AKAP6: variants seen among roughly 807,000 people sequenced by gnomAD.
AKAP6 encodes A-kinase anchor protein 6.
Under a neutral mutation model 188.5 loss-of-function variants are expected in AKAP6, and 58 were observed. The observed-to-expected ratio is 0.31, with a 90% confidence interval of 0.25 to 0.38. AKAP6 has a LOEUF of 0.38. Ranked by LOEUF, AKAP6 falls within the 10% of genes least tolerant of loss-of-function variation. The probability of loss-of-function intolerance (pLI) is 1.00; values close to 1 mark genes in which losing one functional copy is unlikely to be tolerated. For missense variants in AKAP6, 2,710 were observed against 2,740.0 expected, an observed-to-expected ratio of 0.99 and a Z score of 0.24; for synonymous variants, 989 against 998.6, an observed-to-expected ratio of 0.99 and a Z score of 0.18.
chr14:32,422,382 A>G (rs1014132315), intron 1 of AKAP6, among the ~76,000 whole-genome samples: 5 of 152,168 alleles, frequency 3.3e-5, no homozygotes, highest in Non-Finnish European at 7.3e-5. Context: ...ATTACTTATC[A>G]TTACAGTTTT....
intron 1 of AKAP6, chr14:32,403,121 G>T (rs1380487975): frequency 6.6e-6 from 1 of 152,184 alleles, no homozygotes; most frequent in Non-Finnish European, 1.5e-5. Context: ...AGAACCTGTG[G>T]ATGCACATCA....
chr14:32,545,293 A>C lies in AKAP6; in HGVS notation c.640A>C (p.Asn214His), dbSNP rs201721425. Residue 214 changes from asparagine to histidine, a missense_variant, in exon 4 of 14, where the codon AAT becomes CAT. Asn to His is a moderately conservative substitution (Grantham distance 68). This residue lies in a region of AKAP6 where 237 missense variants were observed against 313.9 expected (regional missense o/e 0.76). Coordinates refer to ENST00000280979, the MANE Select transcript of AKAP6 (RefSeq NM_004274.5). ...ACAATTAACCATCAAATGTTCTCAA[A>C]ATTACTTGTCTCTGGATTGTGGCAT... ...SGQLTIKCSQ[N>H]YLSLDCGITA... 6.2e-6 allele frequency: 10 copies of C among 1,614,082 alleles called. No individual in the cohort carries two copies. The highest frequency in any genetic ancestry group is 3.3e-5 in the Admixed American group (2 of 59,996).
At chr14:32,663,714 G>A (rs759031686) in intron 7 of AKAP6, among the ~76,000 whole-genome samples, 26 of 152,068 alleles carry the variant, frequency 1.7e-4, no homozygotes, top group Non-Finnish European at 3.5e-4. Context: ...GAGCAGCTAG[G>A]GAGGAGGCTG....
chr14:32,540,196 T>C (rs1488494802), intron 3 of AKAP6, among the ~76,000 whole-genome samples: 1 of 106,518 alleles, frequency 9.4e-6, no homozygotes, highest in Non-Finnish European at 1.9e-5. Context: ...ATATATATTT[T>C]AATTTTTTAT....
chr14:32,546,079 A>G lies in AKAP6; in HGVS notation c.1426A>G (p.Lys476Glu), dbSNP rs766038674. ...TGAAAACACAGTCAAATTTCACATTAAAGAAATTTCTTCCAGCCTGGGAAG... is the reference window on the plus strand; with the variant it reads ...TGAAAACACAGTCAAATTTCACATTGAAGAAATTTCTTCCAGCCTGGGAAG... Reference protein sequence around the residue: ...NLENTVKFHIKEISSSLGRLN... With the variant: ...NLENTVKFHIEEISSSLGRLN... Residue 476 changes from lysine (K) to glutamate (E), a missense_variant, in exon 4 of 14, where the codon AAA becomes GAA. By Grantham distance (56) the Lys-to-Glu change is moderately conservative. Coordinates refer to ENST00000280979, the MANE Select transcript of AKAP6 (RefSeq NM_004274.5). 1.2e-6 allele frequency: 2 copies of G among 1,614,222 alleles called. No individual in the cohort carries two copies. Among genetic ancestry groups the G allele is most frequent in the East Asian group, 2.2e-5 (1 of 44,882 alleles).
chr14:32,390,586 C>A (rs1314791611), intron 1 of AKAP6, among the ~76,000 whole-genome samples: 1 of 152,094 alleles, frequency 6.6e-6, no homozygotes, highest in Non-Finnish European at 1.5e-5. Context: ...GATGTGGCTT[C>A]CTGAGGGCTG....
At chr14:32,379,128 C>G (rs918479870) in intron 1 of AKAP6, among the ~76,000 whole-genome samples, 1 of 152,042 alleles carries the variant, frequency 6.6e-6, no homozygotes, top group Non-Finnish European at 1.5e-5. Context: ...ACCATGTTGG[C>G]CAGGCTGGTC....
chr14:32,466,964 G>A (rs1472921603), intron 2 of AKAP6, among the ~76,000 whole-genome samples: 1 of 150,316 alleles, frequency 6.7e-6, no homozygotes, highest in African/African-American at 2.4e-5. Flanking sequence ...AATTTTTATG[G>A]AAGTATAATA....
chr14:32,583,277 A>G (rs1885064760), intron 5 of AKAP6, among the ~76,000 whole-genome samples: 1 of 152,180 alleles, frequency 6.6e-6, no homozygotes, highest in African/African-American at 2.4e-5. Context: ...TTGCCTGGGT[A>G]TCAGCAGCGG....
At chr14:32,645,939 A>C (rs115990388) in intron 7 of AKAP6, among the ~76,000 whole-genome samples, 3,113 of 152,274 alleles carry the variant, frequency 0.02, 92 homozygotes, top group African/African-American at 0.063. Context: ...ATGAAAAACT[A>C]TCTGCTCTAT....
intron 1 of AKAP6, among the ~76,000 whole-genome samples, chr14:32,397,752 CAAGG>C (rs1340234425): frequency 1.3e-5 from 2 of 152,116 alleles, no homozygotes; most frequent in African/African-American, 4.8e-5. Flanking sequence ...TATTTTAAGG[CAAGG>C]GTAGGTACAA....
chr14:32,815,258 T>C (rs1308447718), intron 12 of AKAP6, among the ~76,000 whole-genome samples: 2 of 152,198 alleles, frequency 1.3e-5, no homozygotes, highest in African/African-American at 4.8e-5. Flanking sequence ...AGCTTTGTTA[T>C]TGAAAAAGAG....
chr14:32,600,491 C>T, intron 6 of AKAP6, 138 bp from the exon 7 acceptor site: 2 of 957,194 alleles, frequency 2.1e-6, no homozygotes, highest in South Asian at 4.6e-5. Context: ...GTGACAAATG[C>T]TGATATGGCA....
chr14:32,364,397 A>G (rs1362472667), intron 1 of AKAP6, among the ~76,000 whole-genome samples: 1 of 152,120 alleles, frequency 6.6e-6, no homozygotes, highest in Non-Finnish European at 1.5e-5. Flanking sequence ...GCTGATGGGC[A>G]GGGGCAGAGT....
intron 11 of AKAP6, among the ~76,000 whole-genome samples, chr14:32,768,186 G>A (rs547473316): frequency 7.2e-5 from 11 of 152,270 alleles, no homozygotes; most frequent in Non-Finnish European, 1.5e-4. Context: ...AAGAAGCATA[G>A]AGGTACCAGA....
At chr14:32,478,497 C>T (rs1318981668) in intron 2 of AKAP6, among the ~76,000 whole-genome samples, 4 of 151,984 alleles carry the variant, frequency 2.6e-5, no homozygotes, top group Admixed American at 6.6e-5. Flanking sequence ...AAATGTCTTC[C>T]GAGGGAAAAC....
chr14:32,584,434 A>T (rs758461002), intron 5 of AKAP6, among the ~76,000 whole-genome samples: 13 of 152,316 alleles, frequency 8.5e-5, no homozygotes, highest in African/African-American at 3.1e-4. Context: ...CTTTGCATTT[A>T]TATTTTCAGA....
chr14:32,797,362 C>A (rs915792420), intron 12 of AKAP6, among the ~76,000 whole-genome samples: 1 of 152,140 alleles, frequency 6.6e-6, no homozygotes, highest in Admixed American at 6.6e-5. Flanking sequence ...TGGAATCAAC[C>A]TAAACCCTAT....
chr14:32,703,952 C>T (rs755969219), intron 9 of AKAP6, among the ~76,000 whole-genome samples: 5 of 152,086 alleles, frequency 3.3e-5, no homozygotes, highest in Non-Finnish European at 5.9e-5. Flanking sequence ...TTCTTGTTAG[C>T]CTAGAGAATA....
Sources: gnomAD v4.1 joint callset for allele counts (sites outside exome capture counted in the v4.1 genomes callset) on GRCh38, gnomAD v4.1.1 for gene constraint, gnomAD v4.1.1 regional missense constraint, MANE v1.5 for transcripts, NCBI Gene and HGNC (gene_info 2026-07-23, HGNC 2026-07-21) for gene names.